The following ARHGEF10 variants were observed in gnomAD, a reference collection of about 807,000 sequenced individuals.
ARHGEF10 encodes Rho guanine nucleotide exchange factor (GEF) 10.
Under a neutral mutation model 147.4 loss-of-function variants are expected in ARHGEF10, and 140 were observed. The ratio of observed to expected loss-of-function variants is 0.95; its 90% confidence interval spans 0.83 to 1.09. The LOEUF (loss-of-function observed/expected upper bound fraction) is 1.09. Ranked by LOEUF, ARHGEF10 falls within the 50% of genes least tolerant of loss-of-function variation. The probability of loss-of-function intolerance (pLI) is 0.00; values close to 1 mark genes in which losing one functional copy is unlikely to be tolerated. For missense variants in ARHGEF10, 2,222 were observed against 1,752.7 expected, an observed-to-expected ratio of 1.27 and a Z score of -4.78; for synonymous variants, 902 against 695.8, an observed-to-expected ratio of 1.30 and a Z score of -4.67.
chr8:1,875,930 G>A (rs1807659986), intron 7 of ARHGEF10: 1 of 153,206 alleles, frequency 6.5e-6, no homozygotes, highest in Non-Finnish European at 1.5e-5. Flanking sequence ...AAGAAACCAG[G>A]TAAAATAAAG....
At chr8:1,944,898 C>G (rs542483958) in intron 26 of ARHGEF10, among the ~76,000 whole-genome samples, 1 of 152,352 alleles carries the variant, frequency 6.6e-6, no homozygotes, top group Non-Finnish European at 1.5e-5. Context: ...TGTGGGGTGA[C>G]GAGGGCCCAG....
At chr8:1,929,152 T>C in intron 24 of ARHGEF10, 134 bp from the exon 25 acceptor site, 1 of 964,822 alleles carries the variant, frequency 1.0e-6, no homozygotes, top group South Asian at 1.5e-5. Flanking sequence ...TTAAAAGTAC[T>C]GGCAAGTGTC....
chr8:1,909,077 G>A (rs1339818444), intron 17 of ARHGEF10, among the ~76,000 whole-genome samples: 1 of 152,170 alleles, frequency 6.6e-6, no homozygotes, highest in Non-Finnish European at 1.5e-5. Flanking sequence ...CCCCTGTGCG[G>A]CTCTTCCCTG....
intron 27 of ARHGEF10, among the ~76,000 whole-genome samples, chr8:1,946,486 G>T (rs1301400073): frequency 6.6e-6 from 1 of 152,198 alleles, no homozygotes; most frequent in African/African-American, 2.4e-5. Context: ...CTGCTTTGCA[G>T]TTGGTGCCTT....
chr8:1,944,715 TG>T (rs1404653288), intron 26 of ARHGEF10, among the ~76,000 whole-genome samples: 2 of 152,218 alleles, frequency 1.3e-5, no homozygotes, highest in Admixed American at 6.5e-5. Context: ...TGCTGGTTCC[TG>T]GGGCACGCAG....
intron 23 of ARHGEF10, chr8:1,927,042 C>T (rs1014717416): frequency 5.3e-6 from 1 of 187,034 alleles, no homozygotes; most frequent in Non-Finnish European, 1.1e-5. Flanking sequence ...CCTTTCCTCC[C>T]AGGCGTCCTG....
intron 15 of ARHGEF10, 118 bp downstream of exon 15, chr8:1,898,643 C>G: frequency 9.8e-7 from 1 of 1,022,726 alleles, no homozygotes; most frequent in South Asian, 1.3e-5. Context: ...CTCATCTCCT[C>G]TCTAGGCAGT....
chr8:1,909,554 C>T (rs1563271072), intron 18 of ARHGEF10, 84 bp downstream of exon 18: 1 of 1,560,444 alleles, frequency 6.4e-7, no homozygotes, highest in Non-Finnish European at 8.7e-7. Context: ...AGCGTAAGCT[C>T]CACCATCAGC....
intron 23 of ARHGEF10, 70 bp downstream of exon 23, chr8:1,926,533 G>A (rs764795419): frequency 1.1e-5 from 16 of 1,427,814 alleles, no homozygotes; most frequent in Non-Finnish European, 1.5e-5. Context: ...TGTGATGAGA[G>A]ACTGAGATGT....
chr8:1,909,545 G>A (rs1317198336), intron 18 of ARHGEF10, 75 bp downstream of exon 18: 2 of 1,582,536 alleles, frequency 1.3e-6, no homozygotes, highest in Non-Finnish European at 1.7e-6. Context: ...TGTGGGGCCA[G>A]CGTAAGCTCC....
chr8:1,832,787 GAGAGACAGAGGCAGAGGC>G (rs1563148656), intron 1 of ARHGEF10, among the ~76,000 whole-genome samples: 8 of 37,940 alleles, frequency 2.1e-4, no homozygotes, highest in Non-Finnish European at 4.0e-4. Context: ...CAGAGACAGA[GAGAGACAGAGGCAGAGGC>G]AGAGACAGAG....
intron 9 of ARHGEF10, among the ~76,000 whole-genome samples, 191 bp from the exon 10 acceptor site, chr8:1,882,444 T>C (rs919682113): frequency 5.9e-5 from 9 of 152,210 alleles, no homozygotes; most frequent in African/African-American, 1.7e-4. Flanking sequence ...CAGGAAGGGC[T>C]GTATTTTTAA....
At chr8:1,834,560 GA>G (rs750054063) in intron 1 of ARHGEF10, among the ~76,000 whole-genome samples, 1 of 152,158 alleles carries the variant, frequency 6.6e-6, no homozygotes, top group Non-Finnish European at 1.5e-5. Flanking sequence ...TCTTAGAGAA[GA>G]AGGTCTTTCC....
intron 12 of ARHGEF10, 96 bp from the exon 13 acceptor site, chr8:1,894,297 C>A: frequency 7.7e-7 from 1 of 1,303,900 alleles, no homozygotes; most frequent in Non-Finnish European, 1.1e-6. Flanking sequence ...CTGCAGTGAG[C>A]CATGATCGCA....
intron 1 of ARHGEF10, among the ~76,000 whole-genome samples, chr8:1,825,518 C>G (rs1315686568): frequency 6.7e-6 from 1 of 148,498 alleles, no homozygotes; most frequent in Non-Finnish European, 1.5e-5. Flanking sequence ...TCCACCTGTT[C>G]CCCTGCACCC....
At chr8:1,837,644 C>T (rs1000713311) in intron 1 of ARHGEF10, among the ~76,000 whole-genome samples, 3 of 152,144 alleles carry the variant, frequency 2.0e-5, no homozygotes, top group African/African-American at 4.8e-5. Context: ...ACGCGGCAGG[C>T]GTACAGCTGG....
At chr8:1,832,456 A>C (rs1402505958) in intron 1 of ARHGEF10, among the ~76,000 whole-genome samples, 4 of 147,936 alleles carry the variant, frequency 2.7e-5, no homozygotes, top group African/African-American at 1.0e-4. Flanking sequence ...AGACAGAGAC[A>C]GAGGCAGAGA....
chr8:1,938,660 G>C lies in ARHGEF10; in HGVS notation c.3222+4718G>C, dbSNP rs369497477. Among the ~76,000 whole-genome samples the C allele has an allele frequency of 2.8e-3, 419 of 152,316 alleles. 5 individuals are homozygous for C. In the South Asian group the frequency reaches 0.028, roughly 10 times the overall value. On this transcript the variant is annotated intron_variant, in intron 26 of 28. Transcript: ENST00000349830. ...AGGGCAACAAAACAGGCCTAAGCGGGCACGGTGGCTCACACTTGTAATCCC... is the reference window on the plus strand; with the variant it reads ...AGGGCAACAAAACAGGCCTAAGCGGCCACGGTGGCTCACACTTGTAATCCC...
rs547327460 is a variant in ARHGEF10 at position 1,957,979 on chromosome 8, C to T, written c.*716C>T. 1 of 152,268 alleles carries T rather than the reference C, an allele frequency of 6.6e-6. No homozygotes were observed. Among genetic ancestry groups the T allele is most frequent in the African/African-American group, 2.4e-5 (1 of 41,452 alleles). 9.4% of individuals were successfully genotyped at this position (152,268 alleles called of 1,614,324 possible). A position where few individuals can be genotyped will look rare whatever the true frequency, so the allele number is the denominator to read the frequency against. Reference sequence around the variant, plus strand: ...ATAATGTTTGCTTTGAACCAAAATGCTCAGTGCCTATCAACATTTGGACTC... The same window carrying T: ...ATAATGTTTGCTTTGAACCAAAATGTTCAGTGCCTATCAACATTTGGACTC... On this transcript the variant is annotated 3_prime_UTR_variant, in exon 29 of 29. Transcript: ENST00000349830.
Sources: gnomAD v4.1 joint callset for allele counts (sites outside exome capture counted in the v4.1 genomes callset) on GRCh38, gnomAD v4.1.1 for gene constraint, MANE v1.5 for transcripts, NCBI Gene and HGNC (gene_info 2026-07-23, HGNC 2026-07-21) for gene names.